PIGR: variants seen among roughly 807,000 people sequenced by gnomAD.
PIGR encodes the protein hepatocellular carcinoma associated protein TB6.
A neutral mutation model predicts 69.5 loss-of-function variants in PIGR; 22 were observed. The observed-to-expected ratio is 0.32, with a 90% CI of 0.23 to 0.45. The LOEUF (loss-of-function observed/expected upper bound fraction) is 0.45, where lower values mean the gene tolerates loss of function less well. PIGR is among the 20% of genes least tolerant of loss of function. The pLI is 1.00. For synonymous variants in PIGR, 413 were observed against 407.6 expected (o/e 1.01, Z -0.16); for missense variants, 885 against 974.0 (o/e 0.91, Z 1.22).
At chr1:206,939,795 C>T (rs760330279) in intron 2 of PIGR, among the ~76,000 whole-genome samples, 4 of 152,172 alleles carry the variant, frequency 2.6e-5, no homozygotes, top group Admixed American at 1.3e-4. Context: ...GGCACGATCT[C>T]GGCTCACTGC....
Position 206,938,182 on chromosome 1 carries a change from G to A in PIGR, c.389-431C>T, listed in dbSNP as rs189641376. On this transcript the variant is annotated intron_variant, in intron 3 of 10. Transcript: ENST00000356495. Reference sequence around the variant, plus strand: ...TAAATGCAGGGTGATGGATTTCAACGCATACAATAGAAGTTTCTAAAAATT... The same window carrying A: ...TAAATGCAGGGTGATGGATTTCAACACATACAATAGAAGTTTCTAAAAATT... Among the ~76,000 whole-genome samples, 62 of 152,316 alleles carry A rather than the reference G, an allele frequency of 4.1e-4. 1 individual carries two copies. Among genetic ancestry groups the A allele is most frequent in the Non-Finnish European group, 6.8e-4 (46 of 68,032 alleles).
chr1:206,940,526 C>T lies in PIGR; in HGVS notation c.6G>A (p.Leu2=), dbSNP rs545094654. 1.3e-6 allele frequency: 2 copies of T among 1,551,498 alleles called. No homozygotes were observed. Among genetic ancestry groups the T allele is most frequent in the Admixed American group, 2.0e-5 (1 of 50,966 alleles). The change falls in exon 2 of 11, where the codon CTG becomes CTA. Residue 2 remains leucine (L), a synonymous_variant. Transcript: ENST00000356495. M[L]LFVLTCLLAV... ...CCAGCAGGCAGGTGAGCACGAAGAG[C>T]AGCATTGCTGGTGGGTCCCGAGCGC...
intron 9 of PIGR, 30 bp downstream of exon 9, chr1:206,931,641 G>A (rs1679753267): frequency 1.2e-6 from 2 of 1,614,010 alleles, no homozygotes; most frequent in Non-Finnish European, 1.7e-6. Flanking sequence ...CTCCCCAGGG[G>A]CTGAGCATTC....
chr1:206,933,177 G>A lies in PIGR; in HGVS notation c.1706-11C>T. 2 of 1,613,478 alleles carry A rather than the reference G, an allele frequency of 1.2e-6. No individual in the cohort carries two copies. The highest frequency in any genetic ancestry group is 1.3e-5 in the African/African-American group (1 of 74,990). On this transcript the variant is annotated splice_polypyrimidine_tract_variant and intron_variant, in intron 6 of 10. Coordinates refer to ENST00000356495, the MANE Select transcript of PIGR (RefSeq NM_002644.4). Reference sequence around the variant, plus strand: ...TGACATCGCGGGACCCTGCAGCAGGGAAGAGTGGGCCTGGGTTGTGATTTT... The same window carrying A: ...TGACATCGCGGGACCCTGCAGCAGGAAAGAGTGGGCCTGGGTTGTGATTTT...
chr1:206,939,464 C>T lies in PIGR; in HGVS notation c.44-1G>A. 1 of 1,588,756 alleles carries T rather than the reference C, an allele frequency of 6.3e-7. No homozygotes were observed. Among genetic ancestry groups the T allele is most frequent in the Non-Finnish European group, 8.6e-7 (1 of 1,162,088 alleles). The stretch of plus-strand genomic sequence containing the variant: ...AATATGGGACTCTTCGTGGAGATGG[C>T]TGTGGGAACAGAAGAGAGAGGCTTT... On this transcript the variant is annotated splice_acceptor_variant, in intron 2 of 10. Coordinates refer to ENST00000356495, the MANE Select transcript of PIGR (RefSeq NM_002644.4). LOFTEE classifies it high-confidence loss of function.
chr1:206,934,624 T>A lies in PIGR; in HGVS notation c.1501A>T (p.Thr501Ser). 1.2e-6 allele frequency: 2 copies of A among 1,614,170 alleles called. No individual in the cohort carries two copies. Among genetic ancestry groups the A allele is most frequent in the Non-Finnish European group, 8.5e-7 (1 of 1,180,028 alleles). The change falls in exon 6 of 11, where the codon ACG (threonine) becomes TCG (serine). Residue 501 changes from threonine (T) to serine (S), a missense_variant. By Grantham distance (58) the Thr-to-Ser change is moderately conservative. Transcript: ENST00000356495. ...TGGCTGGGCAGGGCCTGGCAGCCCG[T>A]GTTATTCCACTTGCACCAGTATTTC... Reference protein sequence around the residue: ...YEKYWCKWNNTGCQALPSQDE... With the variant: ...YEKYWCKWNNSGCQALPSQDE...
intron 10 of PIGR, 100 bp downstream of exon 10, chr1:206,931,397 G>C (rs1443186454): frequency 5.0e-6 from 8 of 1,610,200 alleles, no homozygotes; most frequent in Non-Finnish European, 6.8e-6. Context: ...CCTATTCTGG[G>C]ATCGGCCCCC....
In PIGR at chr1:206,932,993, A is replaced by C. The variant is rs1400462908; in HGVS notation, c.1879T>G (p.Ser627Ala). Reference protein sequence around the residue: ...QADGSRASVDSGSSEEQGGSS... With the variant: ...QADGSRASVDAGSSEEQGGSS... ...CCTTGAATCCTTCCTTACCTGCCGGAATCCACAGATGCTCTGCTCCCATCG... is the reference window on the plus strand; with the variant it reads ...CCTTGAATCCTTCCTTACCTGCCGGCATCCACAGATGCTCTGCTCCCATCG... Residue 627 changes from serine to alanine, a missense_variant, in exon 7 of 11, where the codon TCC (serine) becomes GCC (alanine). Transcript: ENST00000356495. The C allele has an allele frequency of 1.2e-6, 2 of 1,613,958 alleles. No individual in the cohort carries two copies. The highest frequency in any genetic ancestry group is 2.7e-5 in the African/African-American group (2 of 74,902).
intron 1 of PIGR, among the ~76,000 whole-genome samples, chr1:206,942,030 G>A (rs188797586): frequency 1.2e-4 from 19 of 152,326 alleles, no homozygotes; most frequent in Admixed American, 9.8e-4. Context: ...AAAGGCAATA[G>A]AGTTGTTTAT....
intron 3 of PIGR, among the ~76,000 whole-genome samples, chr1:206,938,453 G>A (rs1262856906): frequency 1.3e-5 from 2 of 152,214 alleles, no homozygotes; most frequent in Non-Finnish European, 2.9e-5. Context: ...GTCTTTGGGA[G>A]TCCCCCTGAA....
chr1:206,934,697 C>T lies in PIGR; in HGVS notation c.1428G>A (p.Glu476=), dbSNP rs776560431. The change falls in exon 6 of 11, where the codon GAG becomes GAA. Residue 476 remains glutamate (E), a synonymous_variant. Coordinates refer to ENST00000356495, the MANE Select transcript of PIGR (RefSeq NM_002644.4). ...VPGNVTAVLG[E]TLKVPCHFPC... ...GAAAGTGACAGGGGACCTTGAGAGT[C>T]TCTCCCAGCACAGCCGTGACATTCC... is the stretch of plus-strand genomic sequence containing the variant. 1.9e-6 allele frequency: 3 copies of T among 1,612,384 alleles called. No individual in the cohort carries two copies. The highest frequency in any genetic ancestry group is 2.7e-5 in the African/African-American group (2 of 74,888).
intron 7 of PIGR, 51 bp from the exon 8 acceptor site, chr1:206,932,628 C>T (rs142650078): frequency 2.5e-4 from 393 of 1,554,486 alleles, no homozygotes; most frequent in East Asian, 2.5e-3. Flanking sequence ...TCTGGGGGCC[C>T]GACGATGTGC....
Position 206,934,455 on chromosome 1 carries a change from G to A in PIGR, c.1670C>T (p.Ala557Val), listed in dbSNP as rs747515772. 1.2e-6 allele frequency: 2 copies of A among 1,614,096 alleles called. No homozygotes were observed. The highest frequency in any genetic ancestry group is 1.7e-6 in the Non-Finnish European group (2 of 1,179,980). ...KQGHFYGETA[A>V]VYVAVEERKA... ...CCTCTCTTCAACTGCCACATAGACG[G>A]CTGCAGTCTCTCCATAGAAGTGGCC... Residue 557 changes from alanine to valine, a missense_variant, in exon 6 of 11, where the codon GCC becomes GTC. Coordinates refer to ENST00000356495, the MANE Select transcript of PIGR (RefSeq NM_002644.4).
chr1:206,937,433 T>A lies in PIGR; in HGVS notation c.707A>T (p.Gln236Leu). ...SNSNKKNADL[Q>L]VLKPEPELVY... ...CAGCTCGGGCTCGGGCTTTAGCACT[T>A]GGAGGTCAGCATTCTTCTTATTACT... The change falls in exon 4 of 11, where the codon CAA (glutamine) becomes CTA (leucine). Residue 236 changes from glutamine to leucine, a missense_variant. Transcript: ENST00000356495. 6.2e-7 allele frequency: 1 copy of A among 1,614,182 alleles called. No individual in the cohort carries two copies. The highest frequency in any genetic ancestry group is 8.5e-7 in the Non-Finnish European group (1 of 1,180,002).
intron 4 of PIGR, among the ~76,000 whole-genome samples, chr1:206,936,067 T>A (rs959014932): frequency 1.3e-5 from 2 of 152,166 alleles, no homozygotes; most frequent in African/African-American, 4.8e-5. Flanking sequence ...TTTTCCCCCA[T>A]CTTATTCTGA....
At chr1:206,939,994 A>T (rs923266153) in intron 2 of PIGR, among the ~76,000 whole-genome samples, 4 of 152,256 alleles carry the variant, frequency 2.6e-5, no homozygotes, top group African/African-American at 9.6e-5. Context: ...TGCTGGCATT[A>T]CAGCTGTGAG....
chr1:206,939,579 AT>A, intron 2 of PIGR, 116 bp from the exon 3 acceptor site: 1 of 634,554 alleles, frequency 1.6e-6, no homozygotes, highest in Middle Eastern at 2.7e-4. Flanking sequence ...TGTGTTGATA[AT>A]TTATCATATA....
chr1:206,933,016 T>A lies in PIGR; in HGVS notation c.1856A>T (p.Asp619Val). ...GGAATCCACAGATGCTCTGCTCCCATCGGCTTGATCTCTTGTATCTGCCAC... is the reference window on the plus strand; with the variant it reads ...GGAATCCACAGATGCTCTGCTCCCAACGGCTTGATCTCTTGTATCTGCCAC... Reference protein sequence around the residue: ...KAVADTRDQADGSRASVDSGS... With the variant: ...KAVADTRDQAVGSRASVDSGS... The change falls in exon 7 of 11, where the codon GAT (aspartate) becomes GTT (valine). Residue 619 changes from aspartate (D) to valine (V), a missense_variant. Asp to Val is a radical substitution (Grantham distance 152). Coordinates refer to ENST00000356495, the MANE Select transcript of PIGR (RefSeq NM_002644.4). 2 of 1,614,196 alleles carry A rather than the reference T, an allele frequency of 1.2e-6. No individual in the cohort carries two copies. The highest frequency in any genetic ancestry group is 2.7e-5 in the African/African-American group (2 of 75,060).
At position 206,930,689 on chromosome 1, in the gene PIGR, A is replaced by G; in HGVS notation, c.2200-276T>C. 1 of 985,376 alleles carries G rather than the reference A, an allele frequency of 1.0e-6. No individual in the cohort carries two copies. Among genetic ancestry groups the G allele is most frequent in the South Asian group, 4.7e-5 (1 of 21,280 alleles). 61.0% of individuals were successfully genotyped at this position (985,376 alleles called of 1,614,324 possible). ...CTCTGTTGCCCGGGCCTGTCCCCGGAAGCTGCCCACACAGTCCACGGGCAA... is the reference window on the plus strand; with the variant it reads ...CTCTGTTGCCCGGGCCTGTCCCCGGGAGCTGCCCACACAGTCCACGGGCAA... On this transcript the variant is annotated intron_variant, in intron 10 of 10. Transcript: ENST00000356495. This position sits in a 1 kb window ranked among gnomAD's most constrained non-coding sequence, Gnocchi z 4.3.
Sources: allele counts gnomAD v4.1 joint callset (sites outside exome capture counted in the v4.1 genomes callset), GRCh38; gene constraint gnomAD v4.1.1; non-coding constraint Gnocchi (gnomAD v3.1); transcripts MANE v1.5; gene names NCBI Gene and HGNC (gene_info 2026-07-23, HGNC 2026-07-21).